The following FHIP2A variants were observed in gnomAD, a reference collection of about 807,000 sequenced individuals.
FHIP2A encodes family with sequence similarity 160 member B1.
A neutral mutation model predicts 93.5 loss-of-function variants in FHIP2A; 46 were observed. The ratio of observed to expected loss-of-function variants is 0.49; its 90% CI spans 0.39 to 0.63. The LOEUF is 0.63. Ranked by LOEUF, FHIP2A falls within the 20% of genes least tolerant of loss-of-function variation. The pLI is 0.00. For missense variants in FHIP2A, 769 were observed against 909.7 expected (o/e 0.85, Z 1.99); for synonymous variants, 332 against 326.5 (o/e 1.02, Z -0.18).
At position 114,846,613 on chromosome 10, in the gene FHIP2A, C is replaced by G. The variant is rs1566372171; in HGVS notation, c.1453C>G (p.His485Asp). Residue 485 changes from histidine (H) to aspartate (D), a missense_variant, in exon 11 of 17, where the codon CAC (histidine) becomes GAC (aspartate). By Grantham distance (81) the His-to-Asp change is moderately conservative. Transcript: ENST00000369248. Reference sequence around the variant, plus strand: ...ACATCTTTTACAAAAACCCAATGAGCACATTCTTTACAACTTGGTCTTGAG... The same window carrying G: ...ACATCTTTTACAAAAACCCAATGAGGACATTCTTTACAACTTGGTCTTGAG... ...FEHLLQKPNE[H>D]ILYNLVLRNL... 3.1e-6 allele frequency: 5 copies of G among 1,611,568 alleles called. No individual in the cohort carries two copies. Among genetic ancestry groups the G allele is most frequent in the Non-Finnish European group, 4.2e-6 (5 of 1,179,224 alleles).
chr10:114,848,788 C>A (rs1404163335), intron 13 of FHIP2A, 51 bp downstream of exon 13: 3 of 1,170,592 alleles, frequency 2.6e-6, no homozygotes, highest in South Asian at 2.5e-5. Context: ...TAGACACATG[C>A]ACACCCCTTG....
intron 1 of FHIP2A, among the ~76,000 whole-genome samples, chr10:114,823,440 A>G (rs2083552515): frequency 6.6e-6 from 1 of 152,138 alleles, no homozygotes; most frequent in South Asian, 2.1e-4. Context: ...TTATTAAAAC[A>G]TTTAAATTTT....
chr10:114,833,531 T>C (rs1252917035), intron 3 of FHIP2A, 129 bp downstream of exon 3: 1 of 893,480 alleles, frequency 1.1e-6, no homozygotes, highest in South Asian at 1.6e-5. Flanking sequence ...GTTAAGATTG[T>C]AGAAAAAAGA....
intron 14 of FHIP2A, among the ~76,000 whole-genome samples, chr10:114,859,000 A>G (rs2083782520): frequency 6.6e-6 from 1 of 152,130 alleles, no homozygotes; most frequent in Non-Finnish European, 1.5e-5. Flanking sequence ...AATAGGTACA[A>G]TTATGCTATA....
rs1193460267 is a variant in FHIP2A at position 114,827,796 on chromosome 10, C to CAAA, written c.46-3039_46-3037dup. ...TGGGTGACAGAGCGAGACTCCATCT[C>CAAA]AAAAAAAAAAAAAAAAAAAGAGTAT... is the stretch of plus-strand genomic sequence containing the variant. On this transcript the variant is annotated intron_variant, in intron 1 of 16. Coordinates refer to ENST00000369248, the MANE Select transcript of FHIP2A (RefSeq NM_020940.4). Among the ~76,000 whole-genome samples the CAAA allele has an allele frequency of 7.7e-4, 65 of 84,010 alleles. 2 individuals are homozygous for CAAA. The highest frequency in any genetic ancestry group is 3.4e-3 in the East Asian group (8 of 2,328). 55.1% of individuals were successfully genotyped at this position (84,010 alleles called of 152,430 possible).
At chr10:114,876,958 C>T (rs2083892583) in intron 16 of FHIP2A, among the ~76,000 whole-genome samples, 1 of 150,062 alleles carries the variant, frequency 6.7e-6, no homozygotes, top group Non-Finnish European at 1.5e-5. Context: ...GTTAAGTTAC[C>T]GGAATAATTC....
chr10:114,836,000 G>A, intron 4 of FHIP2A, 124 bp from the exon 5 acceptor site: 1 of 650,286 alleles, frequency 1.5e-6, no homozygotes, highest in Non-Finnish European at 2.5e-6. Flanking sequence ...TTAGTGTTCT[G>A]ATTAATGCAG....
Position 114,821,929 on chromosome 10 carries a change from C to G in FHIP2A, c.-150C>G. On this transcript the variant is annotated 5_prime_UTR_variant, in exon 1 of 17. Coordinates refer to ENST00000369248, the MANE Select transcript of FHIP2A (RefSeq NM_020940.4). ...CCGCGCACACCTGAAGCGGCCGGGC[C>G]AGGCCCTGCCTCGATCCTCAGCTCG... 5.4e-6 allele frequency: 2 copies of G among 370,566 alleles called. No individual in the cohort carries two copies. 23.0% of individuals were successfully genotyped at this position (370,566 alleles called of 1,614,324 possible).
At position 114,884,911 on chromosome 10, in the gene FHIP2A, C is replaced by CAAA. The variant is rs35889495; in HGVS notation, c.2193-14566_2193-14564dup. Among the ~76,000 whole-genome samples the CAAA allele has an allele frequency of 1.5e-3, 190 of 124,028 alleles. 1 individual carries two copies. The highest frequency in any genetic ancestry group is 1.9e-3 in the Non-Finnish European group (113 of 58,580). The allele number at this position is 124,028 out of a possible 152,430, so 81.4% of individuals were successfully genotyped here. On this transcript the variant is annotated intron_variant, in intron 16 of 16. Coordinates refer to the FHIP2A transcript ENST00000369250. The stretch of plus-strand genomic sequence containing the variant: ...CCTGGGCGACAGAGTGAGACTCCAT[C>CAAA]AAAAAAAAAAAAAAAGCCAATATAT...
chr10:114,875,528 C>G (rs974555899), intron 16 of FHIP2A, among the ~76,000 whole-genome samples: 5 of 151,654 alleles, frequency 3.3e-5, no homozygotes, highest in African/African-American at 9.7e-5. Context: ...AACCCTGTCT[C>G]TAAAAAAAAA....
chr10:114,888,527 C>T (rs1030468625), intron 16 of FHIP2A, among the ~76,000 whole-genome samples: 3 of 152,156 alleles, frequency 2.0e-5, no homozygotes, highest in African/African-American at 7.2e-5. Flanking sequence ...CGTAAGATAC[C>T]GTTCAAGGTA....
intron 16 of FHIP2A, among the ~76,000 whole-genome samples, chr10:114,893,503 A>T (rs12413811): frequency 0.058 from 8,889 of 152,234 alleles, 463 homozygotes; most frequent in Admixed American, 0.13. Flanking sequence ...CACTGGAGTA[A>T]CCACATTTCT....
downstream of FHIP2A, among the ~76,000 whole-genome samples, chr10:114,867,266 G>T (rs149383633): frequency 2.8e-3 from 423 of 151,388 alleles, 5 homozygotes; most frequent in South Asian, 0.016. Flanking sequence ...AGAAACTTCT[G>T]CATCCTATTG....
chr10:114,847,090 A>G lies in FHIP2A; in HGVS notation c.1569A>G (p.Val523=), dbSNP rs775829080. 6.2e-7 allele frequency: 1 copy of G among 1,600,890 alleles called. No individual in the cohort carries two copies. Among genetic ancestry groups the G allele is most frequent in the Admixed American group, 1.7e-5 (1 of 57,240 alleles). ...VVENGLIAGA[V]DLEEDPLFTD... is the part of the protein sequence containing the mutation. ...TTATGTGTCATTAAATTTAACTTAG[A>G]GATCTGGAAGAAGATCCATTATTTA... Residue 523 remains valine, a splice_region_variant and synonymous_variant, in exon 12 of 17, where the codon GTA becomes GTG. Coordinates refer to ENST00000369248, the MANE Select transcript of FHIP2A (RefSeq NM_020940.4).
downstream of FHIP2A, among the ~76,000 whole-genome samples, chr10:114,868,892 G>A: frequency 6.6e-6 from 1 of 152,124 alleles, no homozygotes; most frequent in Non-Finnish European, 1.5e-5. Context: ...CATGACCTGG[G>A]TCTGACAGCC....
intron 6 of FHIP2A, 27 bp from the exon 7 acceptor site, chr10:114,843,714 T>C: frequency 1.4e-6 from 2 of 1,473,672 alleles, no homozygotes; most frequent in Non-Finnish European, 1.8e-6. Context: ...AATTCAAGAA[T>C]TGAAGGGGGA....
chr10:114,854,501 A>G (rs896738193), intron 13 of FHIP2A, among the ~76,000 whole-genome samples: 17 of 152,232 alleles, frequency 1.1e-4, no homozygotes, highest in Non-Finnish European at 1.2e-4. Flanking sequence ...TCAAAAAAAA[A>G]AAGAATTCCT....
intron 13 of FHIP2A, among the ~76,000 whole-genome samples, chr10:114,849,632 A>T (rs2083722852): frequency 6.6e-6 from 1 of 152,256 alleles, no homozygotes; most frequent in Non-Finnish European, 1.5e-5. Context: ...CAACGTTTTA[A>T]CTATTTTAAA....
At chr10:114,890,501 A>G (rs1276804078) in intron 16 of FHIP2A, among the ~76,000 whole-genome samples, 1 of 146,516 alleles carries the variant, frequency 6.8e-6, no homozygotes, top group Non-Finnish European at 1.5e-5. Flanking sequence ...TATATGACAT[A>G]TATAGTATAT....
Sources: gnomAD v4.1 joint callset for allele counts (sites outside exome capture counted in the v4.1 genomes callset) on GRCh38, gnomAD v4.1.1 for gene constraint, MANE v1.5 for transcripts, NCBI Gene and HGNC (gene_info 2026-07-23, HGNC 2026-07-21) for gene names.